The following TARBP1 variants were observed in gnomAD, a reference collection of about 807,000 sequenced individuals.
TARBP1 encodes the protein tRNA guanosine 2 -O-methyltransferase TARBP1.
Under a neutral mutation model 178.6 loss-of-function variants are expected in TARBP1, and 144 were observed. The observed-to-expected ratio is 0.81, with a 90% CI of 0.70 to 0.93. The LOEUF (loss-of-function observed/expected upper bound fraction) is 0.93. Among genes scored for constraint, TARBP1 ranks in the 40% least tolerant of loss-of-function variants. The pLI is 0.00. For synonymous variants in TARBP1, 787 were observed against 781.0 expected, an observed-to-expected ratio of 1.01 and a Z score of -0.13; for missense variants, 2,067 against 2,011.7, an observed-to-expected ratio of 1.03 and a Z score of -0.53.
At chr1:234,428,606 C>T (rs1222568378) in intron 17 of TARBP1, among the ~76,000 whole-genome samples, 3 of 151,212 alleles carry the variant, frequency 2.0e-5, no homozygotes, top group Admixed American at 6.6e-5. Flanking sequence ...AGTGCAGTGG[C>T]GTGATGTCAG....
chr1:234,462,304 C>T (rs1222460725), intron 6 of TARBP1, among the ~76,000 whole-genome samples: 7 of 152,214 alleles, frequency 4.6e-5, no homozygotes, highest in Non-Finnish European at 7.3e-5. Context: ...ACGTGTGCTA[C>T]TGACATGTAA....
intron 23 of TARBP1, chr1:234,406,521 T>C (rs1485788602): frequency 5.5e-6 from 1 of 182,076 alleles, no homozygotes; most frequent in African/African-American, 2.4e-5. Context: ...AAAATGCTCC[T>C]AGAGCAAGAT....
At chr1:234,418,878 A>G (rs1310713820) in intron 21 of TARBP1, among the ~76,000 whole-genome samples, 1 of 152,234 alleles carries the variant, frequency 6.6e-6, no homozygotes, top group African/African-American at 2.4e-5. Flanking sequence ...AGCATATAAA[A>G]GTAATATGTA....
In TARBP1 at chr1:234,478,411, C is replaced by G; in HGVS notation, c.693G>C (p.Leu231=). The part of the protein sequence containing the change: ...LGSGRVEEKL[L]VLSALAEKLL... ...GCTTCTCGGCCAGGGCGCTCAGGAC[C>G]AGCAGCTTCTCCTCTACGCGGCCGG... is the stretch of plus-strand genomic sequence containing the variant. The change falls in exon 1 of 30, where the codon CTG becomes CTC. Residue 231 remains leucine (L), a synonymous_variant. Coordinates refer to ENST00000040877, the MANE Select transcript of TARBP1 (RefSeq NM_005646.4). The G allele has an allele frequency of 2.2e-6, 3 of 1,379,886 alleles. No individual in the cohort carries two copies. The highest frequency in any genetic ancestry group is 2.8e-6 in the Non-Finnish European group (3 of 1,062,216). 85.5% of individuals were successfully genotyped at this position (1,379,886 alleles called of 1,614,324 possible). A position where few individuals can be genotyped will look rare whatever the true frequency, so the allele number is the denominator to read the frequency against.
At chr1:234,468,603 C>A (rs1668700592) in intron 3 of TARBP1, among the ~76,000 whole-genome samples, 1 of 152,170 alleles carries the variant, frequency 6.6e-6, no homozygotes. Context: ...CCACTTCAAT[C>A]CATTTTTCAC....
chr1:234,404,718 C>T (rs545028133), intron 24 of TARBP1, among the ~76,000 whole-genome samples: 47 of 152,176 alleles, frequency 3.1e-4, no homozygotes, highest in Non-Finnish European at 6.5e-4. Flanking sequence ...GGAATCCATT[C>T]CCGCCTCTGC....
chr1:234,450,845 C>T (rs1407055080), intron 9 of TARBP1, among the ~76,000 whole-genome samples: 2 of 151,452 alleles, frequency 1.3e-5, no homozygotes, highest in African/African-American at 2.4e-5. Context: ...TTCTAATCTC[C>T]TTCAAAGAAT....
At chr1:234,456,521 C>T (rs986807842) in intron 9 of TARBP1, among the ~76,000 whole-genome samples, 9 of 152,152 alleles carry the variant, frequency 5.9e-5, no homozygotes, top group Admixed American at 2.0e-4. Context: ...AAACAAAGTC[C>T]AAGAAAAGGA....
intron 13 of TARBP1, 123 bp downstream of exon 13, chr1:234,437,152 C>T: frequency 4.0e-6 from 2 of 494,072 alleles, no homozygotes; most frequent in African/African-American, 2.0e-5. Context: ...TTGCTGCTTC[C>T]TAAGACCGCT....
chr1:234,430,733 A>G (rs1303696531), intron 14 of TARBP1, among the ~76,000 whole-genome samples: 2 of 152,048 alleles, frequency 1.3e-5, no homozygotes. Context: ...AAAAAATAAA[A>G]GGCTCCAGGT....
Position 234,459,244 on chromosome 1 carries a change from T to A in TARBP1, c.1618A>T (p.Asn540Tyr). 1.2e-6 allele frequency: 2 copies of A among 1,611,546 alleles called. No individual in the cohort carries two copies. The highest frequency in any genetic ancestry group is 1.7e-6 in the Non-Finnish European group (2 of 1,179,186). The change falls in exon 8 of 30, where the codon AAT (asparagine) becomes TAT (tyrosine). Residue 540 changes from asparagine to tyrosine, a missense_variant. Coordinates refer to ENST00000040877, the MANE Select transcript of TARBP1 (RefSeq NM_005646.4). ...GAAAAACTTACCACATCTAGCAAATTCATAGCTGTTTGAAGAAGGTAGCAT... is the reference window on the plus strand; with the variant it reads ...GAAAAACTTACCACATCTAGCAAATACATAGCTGTTTGAAGAAGGTAGCAT... ...AQCYLLQTAM[N>Y]LLDVEKVSLS... is the part of the protein sequence containing the mutation.
At chr1:234,470,620 C>T (rs1668946137) in intron 3 of TARBP1, among the ~76,000 whole-genome samples, 1 of 146,444 alleles carries the variant, frequency 6.8e-6, no homozygotes, top group Admixed American at 6.8e-5. Flanking sequence ...AAATTGTGTT[C>T]TTTTTTTTTT....
chr1:234,423,730 CCT>C (rs927985299), intron 20 of TARBP1, among the ~76,000 whole-genome samples: 1 of 151,568 alleles, frequency 6.6e-6, no homozygotes, highest in Non-Finnish European at 1.5e-5. Flanking sequence ...CCTCCTGACC[CCT>C]CTCTCTTTTT....
Position 234,391,588 on chromosome 1 carries a change from T to C in TARBP1, c.4855A>G (p.Thr1619Ala). ...CTAAGGAAGGCACATCATGGCTTGG[T>C]ATCTCCGTGCGAGAGCAGCTGCTGC... is the stretch of plus-strand genomic sequence containing the variant. Reference protein sequence around the residue: ...TRQQLLSHGDTKP With the variant: ...TRQQLLSHGDAKP The change falls in exon 30 of 30, where the codon ACC (threonine) becomes GCC (alanine). Residue 1619 changes from threonine (T) to alanine (A), a missense_variant. Transcript: ENST00000040877. 2.5e-6 allele frequency: 4 copies of C among 1,609,592 alleles called. No homozygotes were observed. The highest frequency in any genetic ancestry group is 3.4e-6 in the Non-Finnish European group (4 of 1,177,654).
intron 24 of TARBP1, among the ~76,000 whole-genome samples, chr1:234,403,668 C>T (rs114330280): frequency 6.6e-6 from 1 of 152,184 alleles, no homozygotes; most frequent in Admixed American, 6.5e-5. Flanking sequence ...GGCTTAATGC[C>T]CAGGGTGCCT....
Position 234,479,166 on chromosome 1 carries a change from T to A in TARBP1, c.-63A>T, listed in dbSNP as rs1669896946. ...GGAAGGCGCCGGCGTGTGCGATGCG[T>A]GCGCACAGGACCGGCCGGCCCCTAC... On this transcript the variant is annotated 5_prime_UTR_variant, in exon 1 of 30. Coordinates refer to ENST00000040877, the MANE Select transcript of TARBP1 (RefSeq NM_005646.4). 7.1e-7 allele frequency: 1 copy of A among 1,407,192 alleles called. No homozygotes were observed. Among genetic ancestry groups the A allele is most frequent in the Non-Finnish European group, 9.2e-7 (1 of 1,084,792 alleles). The allele number at this position is 1,407,192 out of a possible 1,614,324, so 87.2% of individuals were successfully genotyped here.
intron 1 of TARBP1, among the ~76,000 whole-genome samples, chr1:234,476,987 G>A (rs776233266): frequency 3.2e-4 from 48 of 152,172 alleles, no homozygotes; most frequent in South Asian, 4.1e-4. Context: ...GGAGTTTGAG[G>A]CCAGCCTGAC....
At chr1:234,391,864 A>G in intron 29 of TARBP1, 119 bp from the exon 30 acceptor site, 1 of 1,071,506 alleles carries the variant, frequency 9.3e-7, no homozygotes, top group South Asian at 1.5e-5. Flanking sequence ...GAATGTTACT[A>G]AAAGAAACAT....
intron 24 of TARBP1, among the ~76,000 whole-genome samples, chr1:234,404,165 T>C (rs1459618267): frequency 6.6e-6 from 1 of 152,122 alleles, no homozygotes; most frequent in Non-Finnish European, 1.5e-5. Flanking sequence ...GATCGAAATG[T>C]CTCAATACCA....
Sources: allele counts gnomAD v4.1 joint callset (sites outside exome capture counted in the v4.1 genomes callset), GRCh38; gene constraint gnomAD v4.1.1; transcripts MANE v1.5; gene names NCBI Gene and HGNC (gene_info 2026-07-23, HGNC 2026-07-21).